CNTNAP2: variants seen among roughly 807,000 people sequenced by gnomAD.
The protein encoded by CNTNAP2 is contactin associated protein 2, also known as contactin-associated protein-like 2.
CNTNAP2 carries 98 observed loss-of-function variants against 155.2 expected under a neutral mutation model. The ratio of observed to expected loss-of-function variants is 0.63; its 90% confidence interval spans 0.54 to 0.75. CNTNAP2 has a LOEUF of 0.75. CNTNAP2 is among the 30% of genes least tolerant of loss of function. The probability of loss-of-function intolerance (pLI) is 0.00; values close to 1 mark genes in which losing one functional copy is unlikely to be tolerated. For missense variants in CNTNAP2, 1,727 were observed against 1,688.1 expected, an observed-to-expected ratio of 1.02 and a Z score of -0.40; for synonymous variants, 651 against 631.2, an observed-to-expected ratio of 1.03 and a Z score of -0.47.
chr7:147,180,123 A>T (rs1308084824), intron 8 of CNTNAP2, among the ~76,000 whole-genome samples: 1 of 152,136 alleles, frequency 6.6e-6, no homozygotes, highest in South Asian at 2.1e-4. Context: ...GGGACCAGGA[A>T]GGTGCACACA....
chr7:147,288,928 T>G (rs1805242232), intron 8 of CNTNAP2, among the ~76,000 whole-genome samples: 1 of 152,186 alleles, frequency 6.6e-6, no homozygotes, highest in South Asian at 2.1e-4. Flanking sequence ...TACATGTACT[T>G]TGTCTTTATA....
intron 3 of CNTNAP2, among the ~76,000 whole-genome samples, chr7:147,023,819 T>C (rs947565907): frequency 2.0e-5 from 3 of 152,230 alleles, no homozygotes; most frequent in African/African-American, 7.2e-5. Flanking sequence ...GCCAAACTTA[T>C]TTGGTTTTCA....
chr7:146,514,467 T>A (rs1306263903), intron 1 of CNTNAP2, among the ~76,000 whole-genome samples: 2 of 152,218 alleles, frequency 1.3e-5, no homozygotes, highest in Admixed American at 6.5e-5. Flanking sequence ...TGTCTTTTAG[T>A]TCACTGATTC....
intron 15 of CNTNAP2, among the ~76,000 whole-genome samples, chr7:148,073,508 T>C (rs1356653769): frequency 6.6e-6 from 1 of 152,256 alleles, no homozygotes; most frequent in Non-Finnish European, 1.5e-5. Flanking sequence ...AGCTGCTACC[T>C]GTTCCTGAGT....
rs978925675 is a variant in CNTNAP2, at chr7:146,910,793, A to G, written c.402+70889A>G. Among the ~76,000 whole-genome samples the G allele has an allele frequency of 7.2e-4, 108 of 149,052 alleles. 2 individuals carry two copies. The highest frequency in any genetic ancestry group is 2.6e-3 in the African/African-American group (105 of 40,170). ...CCAAAAGCAATGGCAACAAAAGCCA[A>G]AATTGACAAATGGGATCTAATTAAA... On this transcript the variant is annotated intron_variant, in intron 3 of 23. Transcript: ENST00000361727.
chr7:147,548,697 A>G (rs1332012691), intron 11 of CNTNAP2, among the ~76,000 whole-genome samples: 1 of 152,186 alleles, frequency 6.6e-6, no homozygotes, highest in Non-Finnish European at 1.5e-5. Flanking sequence ...TATGTCCTGA[A>G]TGGTATTGCA....
intron 12 of CNTNAP2, among the ~76,000 whole-genome samples, chr7:147,576,429 A>G (rs936956057): frequency 5.4e-4 from 82 of 152,270 alleles, no homozygotes; most frequent in African/African-American, 1.6e-3. Context: ...CAAGTGCTCT[A>G]TCCTTTTAGG....
chr7:148,128,328 C>T (rs530176872), intron 16 of CNTNAP2, among the ~76,000 whole-genome samples: 22 of 151,966 alleles, frequency 1.4e-4, no homozygotes, highest in African/African-American at 5.3e-4. Flanking sequence ...CATTACTATA[C>T]ATAAGAAAAA....
chr7:146,362,156 A>G (rs1795090945), intron 1 of CNTNAP2, among the ~76,000 whole-genome samples: 1 of 152,188 alleles, frequency 6.6e-6, no homozygotes, highest in African/African-American at 2.4e-5. Context: ...TTTTGAAATA[A>G]AAACTACTTT....
intron 1 of CNTNAP2, among the ~76,000 whole-genome samples, chr7:146,498,030 T>C (rs1797245954): frequency 6.6e-6 from 1 of 151,930 alleles, no homozygotes; most frequent in African/African-American, 2.4e-5. Context: ...GAACTCACAG[T>C]TAGTAAGAGA....
At chr7:147,822,926 GACAAGGGTTGGT>G (rs1798384792) in intron 13 of CNTNAP2, among the ~76,000 whole-genome samples, 1 of 152,154 alleles carries the variant, frequency 6.6e-6, no homozygotes, top group African/African-American at 2.4e-5. Context: ...CTCTGCAAGA[GACAAGGGTTGGT>G]ACAGAAAATA....
rs567953705 is a variant in CNTNAP2 at position 146,209,296 on chromosome 7, G to A, written c.97+92323G>A. 5.3e-3 allele frequency among the ~76,000 whole-genome samples: 800 copies of A among 152,210 alleles called. 6 individuals carry two copies. Among genetic ancestry groups the A allele is most frequent in the African/African-American group, 0.018 (757 of 41,524 alleles). ...GAGTAGGCTGTCTCCCTAGCCACAG[G>A]ATTCTCTGGGTCTCTTATGGGCACT... On this transcript the variant is annotated intron_variant, in intron 1 of 23. Coordinates refer to ENST00000361727, the MANE Select transcript of CNTNAP2 (RefSeq NM_014141.6).
intron 12 of CNTNAP2, among the ~76,000 whole-genome samples, chr7:147,599,088 C>T (rs959519943): frequency 6.6e-6 from 1 of 152,098 alleles, no homozygotes; most frequent in East Asian, 1.9e-4. Flanking sequence ...ATAAGGACCA[C>T]GTTGTAAAAA....
intron 1 of CNTNAP2, among the ~76,000 whole-genome samples, chr7:146,553,180 C>T (rs1798146600): frequency 6.6e-6 from 1 of 152,102 alleles, no homozygotes; most frequent in African/African-American, 2.4e-5. Flanking sequence ...TTGTCAAATA[C>T]ATGAATATAT....
At chr7:146,940,727 GTATA>G (rs144218293) in intron 3 of CNTNAP2, among the ~76,000 whole-genome samples, 1 of 151,082 alleles carries the variant, frequency 6.6e-6, no homozygotes, top group Admixed American at 6.6e-5. Flanking sequence ...AATATGGTGT[GTATA>G]TATATACACA....
chr7:148,223,557 G>GTTTTA (rs1382104448), intron 19 of CNTNAP2, among the ~76,000 whole-genome samples: 1 of 152,160 alleles, frequency 6.6e-6, no homozygotes, highest in Admixed American at 6.5e-5. Flanking sequence ...TTTGAATAAT[G>GTTTTA]TTTTATTTTA....
chr7:147,449,513 A>G (rs760597013), intron 10 of CNTNAP2, among the ~76,000 whole-genome samples: 3 of 152,212 alleles, frequency 2.0e-5, no homozygotes, highest in Non-Finnish European at 4.4e-5. Context: ...GATATTATCC[A>G]GCTAAAAGTT....
intron 1 of CNTNAP2, among the ~76,000 whole-genome samples, chr7:146,676,321 G>A (rs1800397315): frequency 1.3e-5 from 2 of 152,216 alleles, no homozygotes; most frequent in South Asian, 2.1e-4. Context: ...GACCTAAAAA[G>A]AAGAAACTGA....
intron 8 of CNTNAP2, among the ~76,000 whole-genome samples, chr7:147,217,284 A>AT (rs1803295173): frequency 6.6e-6 from 1 of 151,898 alleles, no homozygotes; most frequent in South Asian, 2.1e-4. Context: ...TTGGCTGTAG[A>AT]TTTTTTGTAG....
Sources: gnomAD v4.1 joint callset for allele counts (sites outside exome capture counted in the v4.1 genomes callset) on GRCh38, gnomAD v4.1.1 for gene constraint, MANE v1.5 for transcripts, NCBI Gene and HGNC (gene_info 2026-07-23, HGNC 2026-07-21) for gene names.